DRC9: variants seen among roughly 807,000 people sequenced by gnomAD.
DRC9 encodes the protein dynein regulatory complex protein 9.
the DRC9 span, chr3:197,906,433 T>G: frequency 6.6e-6 from 1 of 151,976 alleles, no homozygotes; most frequent in East Asian, 1.9e-4. Flanking sequence ...AAAAAACTGT[T>G]TTTCTTTTTT....
the DRC9 span, chr3:197,938,683 C>A: frequency 6.2e-7 from 1 of 1,613,954 alleles, no homozygotes; most frequent in Non-Finnish European, 8.5e-7. Flanking sequence ...CAAGTTGGGT[C>A]CTTCCTCAGT....
At chr3:197,918,366 T>G in the DRC9 span, among the ~76,000 whole-genome samples, 1 of 142,254 alleles carries the variant, frequency 7.0e-6, no homozygotes, top group Non-Finnish European at 1.5e-5. Context: ...GGCCTCCCAA[T>G]GTGCTGGGAT....
At chr3:197,913,632 G>A in the DRC9 span, 1 of 593,940 alleles carries the variant, frequency 1.7e-6, no homozygotes, top group Non-Finnish European at 3.0e-6. Context: ...AAGTGACCAA[G>A]GAGAGAAAGT....
chr3:197,903,663 G>C, the DRC9 span, among the ~76,000 whole-genome samples: 1 of 151,954 alleles, frequency 6.6e-6, no homozygotes, highest in East Asian at 1.9e-4. Flanking sequence ...AATATAAAAG[G>C]CTTCTGCATA....
At chr3:197,939,264 G>A in the DRC9 span, among the ~76,000 whole-genome samples, 348 of 152,238 alleles carry the variant, frequency 2.3e-3, no homozygotes, top group African/African-American at 7.6e-3. Flanking sequence ...TAGCAGAGAC[G>A]CAAATGTTCC....
the DRC9 span, among the ~76,000 whole-genome samples, chr3:197,924,478 C>T: frequency 1.3e-5 from 2 of 152,222 alleles, no homozygotes; most frequent in African/African-American, 4.8e-5. Flanking sequence ...CTTGTCCAAA[C>T]AGCTGGTCAG....
chr3:197,913,854 G>A, the DRC9 span: 3 of 1,612,462 alleles, frequency 1.9e-6, no homozygotes, highest in African/African-American at 2.7e-5. Flanking sequence ...CATCTCCTGG[G>A]TTCTTGGCTA....
At chr3:197,951,073 CTGAG>C in the DRC9 span, 1 of 1,604,482 alleles carries the variant, frequency 6.2e-7, no homozygotes, top group Non-Finnish European at 8.5e-7. Flanking sequence ...GATGTTTGCT[CTGAG>C]TAACTTTTGG....
the DRC9 span, among the ~76,000 whole-genome samples, chr3:197,943,018 T>C: frequency 1.4e-4 from 21 of 152,264 alleles, no homozygotes; most frequent in African/African-American, 5.1e-4. Context: ...GTTACTGAAA[T>C]GTACAAGAGC....
the DRC9 span, chr3:197,956,998 A>G: frequency 6.6e-6 from 1 of 152,178 alleles, no homozygotes; most frequent in African/African-American, 2.4e-5. Flanking sequence ...GCCCTTTTGC[A>G]GTTTTGCAGC....
chr3:197,931,557 A>G, the DRC9 span, among the ~76,000 whole-genome samples: 1 of 152,322 alleles, frequency 6.6e-6, no homozygotes, highest in African/African-American at 2.4e-5. Flanking sequence ...CTGGAAAAGA[A>G]AAACTTTCCT....
chr3:197,953,705 T>A, the DRC9 span: 1 of 460,942 alleles, frequency 2.2e-6, no homozygotes, highest in African/African-American at 2.0e-5. Context: ...ACACTTGTCC[T>A]TTTTTGCTAT....
the DRC9 span, among the ~76,000 whole-genome samples, chr3:197,942,787 T>TCTCTACTAAAAGTACAA: frequency 6.7e-6 from 1 of 149,294 alleles, no homozygotes. Flanking sequence ...CGTGGTGGCG[T>TCTCTACTAAAAGTACAA]AATCCCAGCA....
At chr3:197,942,154 G>A in the DRC9 span, among the ~76,000 whole-genome samples, 2 of 152,068 alleles carry the variant, frequency 1.3e-5, no homozygotes, top group African/African-American at 4.8e-5. Context: ...CCAAAAAAGT[G>A]AAATGATTGC....
At chr3:197,924,813 C>T in the DRC9 span, among the ~76,000 whole-genome samples, 3 of 151,992 alleles carry the variant, frequency 2.0e-5, no homozygotes, top group Admixed American at 1.3e-4. Context: ...CCACCGCGCC[C>T]GGCCATCCTC....
chr3:197,952,162 G>GTTTTTTTTTTTT, the DRC9 span, among the ~76,000 whole-genome samples: 1 of 83,860 alleles, frequency 1.2e-5, no homozygotes, highest in African/African-American at 5.2e-5. Context: ...AAAATTATGG[G>GTTTTTTTTTTTT]TTTTTTTTTT....
At chr3:197,959,065 G>C in the DRC9 span, 4 of 152,280 alleles carry the variant, frequency 2.6e-5, no homozygotes, top group Admixed American at 2.6e-4. Context: ...AAATTGGCCG[G>C]GCGTGGTGGC....
At chr3:197,913,220 C>A in the DRC9 span, 1 of 185,302 alleles carries the variant, frequency 5.4e-6, no homozygotes, top group African/African-American at 2.4e-5. Context: ...AAGGGAGTCT[C>A]CCTAGTTGAA....
At chr3:197,950,888 G>C in the DRC9 span, 1 of 1,597,300 alleles carries the variant, frequency 6.3e-7, no homozygotes. Context: ...GACGAGGTGG[G>C]AAACTTGTGT....
Sources: gnomAD v4.1 joint callset for allele counts (sites outside exome capture counted in the v4.1 genomes callset) on GRCh38, gnomAD v4.1.1 for gene constraint, MANE v1.5 for transcripts, NCBI Gene and HGNC (gene_info 2026-07-23, HGNC 2026-07-21) for gene names.